Variants in RSU1 observed in about 807,000 individuals in gnomAD.
RSU1 encodes the protein Ras suppressor protein 1.
Under a neutral mutation model 31.1 loss-of-function variants are expected in RSU1, and 26 were observed. The observed-to-expected ratio is 0.84, with a 90% CI of 0.61 to 1.16. The LOEUF is 1.16. Ranked by LOEUF, RSU1 falls within the 50% of genes most tolerant of loss-of-function variation. The pLI is 0.00. For missense variants in RSU1, 320 were observed against 339.1 expected (o/e 0.94, Z 0.44); for synonymous variants, 164 against 136.3 (o/e 1.20, Z -1.41).
chr10:16,796,276 C>T (rs1838030132), intron 2 of RSU1, among the ~76,000 whole-genome samples: 2 of 152,194 alleles, frequency 1.3e-5, no homozygotes, highest in African/African-American at 2.4e-5. Flanking sequence ...ATCCTATAAC[C>T]AGTCACCTAG....
At chr10:16,749,746 G>A (rs1212670779) in intron 7 of RSU1, among the ~76,000 whole-genome samples, 1 of 152,218 alleles carries the variant, frequency 6.6e-6, no homozygotes, top group African/African-American at 2.4e-5. Flanking sequence ...GCTGCGTTTT[G>A]CAAAGTGTTA....
At chr10:16,671,878 G>A (rs566016541) in intron 8 of RSU1, among the ~76,000 whole-genome samples, 23 of 151,226 alleles carry the variant, frequency 1.5e-4, no homozygotes, top group South Asian at 8.4e-4. Context: ...GACCCCCCTC[G>A]GCCTCCCAAA....
At chr10:16,594,886 G>A (rs1833585721) in intron 8 of RSU1, among the ~76,000 whole-genome samples, 1 of 149,984 alleles carries the variant, frequency 6.7e-6, no homozygotes, top group Non-Finnish European at 1.5e-5. Flanking sequence ...CCAGGTTCAA[G>A]CAATTCTCCT....
At chr10:16,743,573 C>T (rs986847898) in intron 7 of RSU1, among the ~76,000 whole-genome samples, 6 of 152,220 alleles carry the variant, frequency 3.9e-5, no homozygotes, top group Admixed American at 2.0e-4. Flanking sequence ...CTTATTCATG[C>T]GAAAGTGGCA....
chr10:16,725,188 A>C (rs547231495), intron 7 of RSU1, among the ~76,000 whole-genome samples: 27 of 152,334 alleles, frequency 1.8e-4, no homozygotes, highest in Non-Finnish European at 2.9e-4. Context: ...TAAATATAGT[A>C]GAGATGGGAG....
At chr10:16,715,880 A>G (rs1211941911) in intron 7 of RSU1, among the ~76,000 whole-genome samples, 3 of 152,214 alleles carry the variant, frequency 2.0e-5, no homozygotes, top group Admixed American at 2.0e-4. Flanking sequence ...AAATCTACAG[A>G]TTGCTTTAGA....
intron 4 of RSU1, among the ~76,000 whole-genome samples, chr10:16,760,235 C>T (rs1013792917): frequency 1.3e-5 from 2 of 152,158 alleles, no homozygotes; most frequent in Non-Finnish European, 2.9e-5. Flanking sequence ...TAGGGCCGGG[C>T]GCAGTGGCTC....
chr10:16,639,498 T>C (rs1289126114), intron 8 of RSU1, among the ~76,000 whole-genome samples: 1 of 152,192 alleles, frequency 6.6e-6, no homozygotes, highest in Non-Finnish European at 1.5e-5. Flanking sequence ...TTTGGTACAA[T>C]TAATGCGGGT....
chr10:16,702,853 C>G (rs1473625925), intron 7 of RSU1, among the ~76,000 whole-genome samples: 1 of 152,058 alleles, frequency 6.6e-6, no homozygotes, highest in Non-Finnish European at 1.5e-5. Context: ...TTGGAGGGGC[C>G]AGGGGCAGAA....
chr10:16,805,187 A>G (rs543954552), intron 2 of RSU1, among the ~76,000 whole-genome samples: 34 of 152,068 alleles, frequency 2.2e-4, no homozygotes, highest in African/African-American at 8.2e-4. Flanking sequence ...AGCCTGGGTG[A>G]CAGAGTGAGA....
At chr10:16,644,755 G>C (rs1242453277) in intron 8 of RSU1, among the ~76,000 whole-genome samples, 2 of 152,204 alleles carry the variant, frequency 1.3e-5, no homozygotes, top group African/African-American at 4.8e-5. Flanking sequence ...GAGGAAGTAA[G>C]AGTGAACATT....
At chr10:16,660,497 A>G (rs1259388496) in intron 8 of RSU1, among the ~76,000 whole-genome samples, 11 of 152,270 alleles carry the variant, frequency 7.2e-5, no homozygotes, top group African/African-American at 2.6e-4. Flanking sequence ...TCAGTATTTT[A>G]ATATAGTGGA....
rs1371803792 is a variant in RSU1, at chr10:16,592,958, A to G, written c.*436T>C. The G allele has an allele frequency of 6.5e-6, 1 of 154,174 alleles. No individual in the cohort carries two copies. The highest frequency in any genetic ancestry group is 2.4e-5 in the African/African-American group (1 of 41,482). 9.6% of individuals were successfully genotyped at this position (154,174 alleles called of 1,614,324 possible). A position where few individuals can be genotyped will look rare whatever the true frequency, so the allele number is the denominator to read the frequency against. ...AAAATCATTTGTAAGTTAAATTAGCATATCTCGGTGGTGAAGGAAGACTTT... is the reference window on the plus strand; with the variant it reads ...AAAATCATTTGTAAGTTAAATTAGCGTATCTCGGTGGTGAAGGAAGACTTT... On this transcript the variant is annotated 3_prime_UTR_variant, in exon 9 of 9. Coordinates refer to ENST00000345264, the MANE Select transcript of RSU1 (RefSeq NM_012425.4).
At position 16,705,903 on chromosome 10, in the gene RSU1, A is replaced by G. The variant is rs368603022; in HGVS notation, c.599-10748T>C. ...GCAATCCTCCTACCTCAGTCTCCTG[A>G]GTAGCTGGGATTATAGGCACACACC... is the stretch of plus-strand genomic sequence containing the variant. On this transcript the variant is annotated intron_variant, in intron 7 of 8. Coordinates refer to ENST00000345264, the MANE Select transcript of RSU1 (RefSeq NM_012425.4). Among the ~76,000 whole-genome samples the G allele has an allele frequency of 1.2e-4, 18 of 152,268 alleles. No individual in the cohort carries two copies. The East Asian group carries it at 3.1e-3, about 26-fold the overall frequency.
chr10:16,727,086 C>G, intron 7 of RSU1: 1 of 456,648 alleles, frequency 2.2e-6, no homozygotes, highest in Non-Finnish European at 4.4e-6. Context: ...TTCCTCACAA[C>G]ACAGGCTGCC....
intron 8 of RSU1, among the ~76,000 whole-genome samples, chr10:16,651,485 AC>A (rs1834683421): frequency 6.6e-6 from 1 of 152,190 alleles, no homozygotes; most frequent in South Asian, 2.1e-4. Context: ...TTTATTTTCC[AC>A]TGACAGAATA....
At chr10:16,690,648 G>C (rs145068481) in intron 8 of RSU1, among the ~76,000 whole-genome samples, 38 of 152,266 alleles carry the variant, frequency 2.5e-4, no homozygotes, top group African/African-American at 8.7e-4. Context: ...GTCCATTAGA[G>C]CCTATAAATC....
chr10:16,637,626 G>C (rs1182117704), intron 8 of RSU1, among the ~76,000 whole-genome samples: 1 of 152,086 alleles, frequency 6.6e-6, no homozygotes, highest in Non-Finnish European at 1.5e-5. Flanking sequence ...GGCCATGCTG[G>C]AAAAGCAGAG....
intron 8 of RSU1, among the ~76,000 whole-genome samples, chr10:16,604,819 G>T (rs1452391024): frequency 2.6e-5 from 4 of 152,150 alleles, no homozygotes; most frequent in African/African-American, 9.7e-5. Flanking sequence ...TGCCGTAACT[G>T]GTTTACACAC....
Sources: gnomAD v4.1 joint callset for allele counts (sites outside exome capture counted in the v4.1 genomes callset) on GRCh38, gnomAD v4.1.1 for gene constraint, MANE v1.5 for transcripts, NCBI Gene and HGNC (gene_info 2026-07-23, HGNC 2026-07-21) for gene names.